Variants in CIT observed in about 807,000 individuals in gnomAD.
CIT encodes citron rho-interacting serine/threonine kinase, also known as citron Rho-interacting kinase.
A neutral mutation model predicts 272.7 loss-of-function variants in CIT; 79 were observed. The observed-to-expected ratio is 0.29, with a 90% CI of 0.24 to 0.35. CIT has a LOEUF of 0.35. Ranked by LOEUF, CIT falls within the 10% of genes least tolerant of loss-of-function variation. CIT has a pLI of 1.00. For missense variants in CIT, 1,909 were observed against 2,618.3 expected, an observed-to-expected ratio of 0.73 and a Z score of 5.91; for synonymous variants, 948 against 995.6, an observed-to-expected ratio of 0.95 and a Z score of 0.90.
rs534687070 is a variant in CIT, at chr12:119,778,998, T to A, written c.1666-2156A>T. Among the ~76,000 whole-genome samples the A allele has an allele frequency of 2.6e-5, 4 of 152,236 alleles. No homozygotes were observed. The South Asian group carries it at 8.3e-4, about 32-fold the overall frequency. ...CACTTTGGGAGCCCGAGGTGGCGGATCACTTGAGGTTAGGAGTTCAAGACC... is the reference window on the plus strand; with the variant it reads ...CACTTTGGGAGCCCGAGGTGGCGGAACACTTGAGGTTAGGAGTTCAAGACC... On this transcript the variant is annotated intron_variant, in intron 13 of 47. Coordinates refer to ENST00000392521, the MANE Select transcript of CIT (RefSeq NM_001206999.2).
At position 119,775,754 on chromosome 12, in the gene CIT, G is replaced by C. The variant is rs150123196; in HGVS notation, c.1941+32C>G. 4,539 of 1,567,804 alleles carry C rather than the reference G, an allele frequency of 2.9e-3. 10 individuals are homozygous for C. Among genetic ancestry groups the C allele is most frequent in the Middle Eastern group, 4.5e-3 (27 of 5,962 alleles). Reference sequence around the variant, plus strand: ...GATGTTTGGAAAGGAGGTGGTGGGGGGTAAGTTCCTGAAAAATCACCTTGG... The same window carrying C: ...GATGTTTGGAAAGGAGGTGGTGGGGCGTAAGTTCCTGAAAAATCACCTTGG... On this transcript the variant is annotated intron_variant, in intron 16 of 47. Coordinates refer to ENST00000392521, the MANE Select transcript of CIT (RefSeq NM_001206999.2).
chr12:119,690,357 C>G lies in CIT; in HGVS notation c.5980G>C (p.Glu1994Gln). 1.3e-6 allele frequency: 2 copies of G among 1,598,176 alleles called. No individual in the cohort carries two copies. Among genetic ancestry groups the G allele is most frequent in the Non-Finnish European group, 1.7e-6 (2 of 1,178,418 alleles). The change falls in exon 47 of 48, where the codon GAG becomes CAG. Residue 1994 changes from glutamate (E) to glutamine (Q), a missense_variant. By Grantham distance (29) the Glu-to-Gln change is conservative. Transcript: ENST00000392521. The surrounding 1 kb of genome is among the most constrained non-coding windows in gnomAD (Gnocchi z 6.0). ...APPEGPSHPR[E>Q]PSTPHRYREG... ...CGGTAGCGGTGGGGTGTGCTTGGCT[C>G]TCGCGGGTGGCTGGGGCCTTCGGGC...
At chr12:119,837,015 C>G (rs1326725690) in intron 5 of CIT, among the ~76,000 whole-genome samples, 1 of 152,192 alleles carries the variant, frequency 6.6e-6, no homozygotes, top group African/African-American at 2.4e-5. Context: ...ATTGAGAAAA[C>G]AAGCAACAAA....
In CIT at chr12:119,690,415, G is replaced by A; in HGVS notation, c.5922C>T (p.His1974=). 1 of 1,596,112 alleles carries A rather than the reference G, an allele frequency of 6.3e-7. No homozygotes were observed. The highest frequency in any genetic ancestry group is 8.5e-7 in the Non-Finnish European group (1 of 1,177,254). ...NKRGPPTYNE[H]ITKRVASSPA... is the part of the protein sequence containing the mutation. ...GGCTGGAGGCCACGCGCTTGGTGATGTGCTCGTTGTACGTGGGTGGGCCTC... is the reference window on the plus strand; with the variant it reads ...GGCTGGAGGCCACGCGCTTGGTGATATGCTCGTTGTACGTGGGTGGGCCTC... Residue 1974 remains histidine, a synonymous_variant, in exon 47 of 48, where the codon CAC becomes CAT. Transcript: ENST00000392521. The surrounding 1 kb of genome is among the most constrained non-coding windows in gnomAD (Gnocchi z 6.0).
intron 5 of CIT, among the ~76,000 whole-genome samples, chr12:119,836,072 A>C (rs1302896595): frequency 6.6e-6 from 1 of 151,966 alleles, no homozygotes; most frequent in Non-Finnish European, 1.5e-5. Context: ...GCGGATCACA[A>C]GGTCAAGAGA....
Position 119,728,734 on chromosome 12 carries a change from C to G in CIT, c.3487-128G>C. On this transcript the variant is annotated intron_variant, in intron 27 of 47. Coordinates refer to ENST00000392521, the MANE Select transcript of CIT (RefSeq NM_001206999.2). The surrounding 1 kb of genome is among the most constrained non-coding windows in gnomAD (Gnocchi z 4.3). Reference sequence around the variant, plus strand: ...TCTAAAGGTCAGAACGTAAAGGTTGCTTTTTTCTAAATACAGAAGTCCCTG... The same window carrying G: ...TCTAAAGGTCAGAACGTAAAGGTTGGTTTTTTCTAAATACAGAAGTCCCTG... 1.5e-6 allele frequency: 1 copy of G among 651,112 alleles called. No homozygotes were observed. The highest frequency in any genetic ancestry group is 2.6e-6 in the Non-Finnish European group (1 of 381,050). The allele number at this position is 651,112 out of a possible 1,614,324, so 40.3% of individuals were successfully genotyped here.
chr12:119,781,121 T>G (rs528855120), intron 13 of CIT, among the ~76,000 whole-genome samples: 1 of 152,172 alleles, frequency 6.6e-6, no homozygotes, highest in African/African-American at 2.4e-5. Flanking sequence ...ACTTTTAGGA[T>G]GAAAAACTAT....
At position 119,718,729 on chromosome 12, in the gene CIT, G is replaced by A. The variant is rs1412902568; in HGVS notation, c.3973C>T (p.Arg1325Cys). The A allele has an allele frequency of 7.4e-6, 12 of 1,613,792 alleles. No homozygotes were observed. Among genetic ancestry groups the A allele is most frequent in the Middle Eastern group, 1.7e-4 (1 of 5,866 alleles). ...AELEEALQKT[R>C]IELRSAREEA... ...TCCCGGGCGGACCGGAGCTCGATGC[G>A]GGTCTTCTGAAGGGCTTCCTCTAGC... The change falls in exon 31 of 48, where the codon CGC (arginine) becomes TGC (cysteine). Residue 1325 changes from arginine to cysteine, a missense_variant. By Grantham distance (180) the Arg-to-Cys change is radical. This residue lies in a region of CIT where 780 missense variants were observed against 1,067.2 expected (regional missense o/e 0.73). Coordinates refer to ENST00000392521, the MANE Select transcript of CIT (RefSeq NM_001206999.2). This position sits in a 1 kb window ranked among gnomAD's most constrained non-coding sequence, Gnocchi z 4.8.
intron 27 of CIT, among the ~76,000 whole-genome samples, chr12:119,729,971 C>T (rs1180525964): frequency 2.0e-5 from 3 of 152,118 alleles, no homozygotes; most frequent in Non-Finnish European, 4.4e-5. Flanking sequence ...TTGTTTATGA[C>T]TATAAATGTA....
intron 28 of CIT, among the ~76,000 whole-genome samples, chr12:119,723,180 C>A (rs1182483473): frequency 6.6e-6 from 1 of 151,918 alleles, no homozygotes; most frequent in Non-Finnish European, 1.5e-5. Flanking sequence ...GCTAAGATAC[C>A]CTCCTCCGCA....
At chr12:119,727,238 T>C (rs1352149971) in intron 28 of CIT, among the ~76,000 whole-genome samples, 1 of 152,242 alleles carries the variant, frequency 6.6e-6, no homozygotes, top group East Asian at 1.9e-4. Flanking sequence ...TCTTTTAATG[T>C]GTTAAATACC....
At chr12:119,695,554 G>T (rs572567812) in intron 46 of CIT, among the ~76,000 whole-genome samples, 1 of 152,310 alleles carries the variant, frequency 6.6e-6, no homozygotes, top group African/African-American at 2.4e-5. Context: ...CTAGCACTTT[G>T]GGAGGCCAAG....
intron 43 of CIT, among the ~76,000 whole-genome samples, chr12:119,701,212 AGGG>A (rs61572795): frequency 2.7e-5 from 1 of 37,044 alleles, no homozygotes; most frequent in African/African-American, 9.7e-5. Context: ...GGGGATGGGG[AGGG>A]GGAGGGGAGG....
At chr12:119,778,118 G>C (rs1382344526) in intron 13 of CIT, among the ~76,000 whole-genome samples, 1 of 152,148 alleles carries the variant, frequency 6.6e-6, no homozygotes, top group African/African-American at 2.4e-5. Flanking sequence ...CAAAACACTG[G>C]CTTCGGTCAA....
chr12:119,769,915 G>A (rs1962901427), intron 18 of CIT, among the ~76,000 whole-genome samples: 1 of 152,220 alleles, frequency 6.6e-6, no homozygotes, highest in Non-Finnish European at 1.5e-5. Context: ...TCCCAGAAGT[G>A]ATGTGAAGAG....
At chr12:119,714,357 A>T in intron 32 of CIT, 23 bp from the exon 33 acceptor site, 1 of 1,613,678 alleles carries the variant, frequency 6.2e-7, no homozygotes, top group Non-Finnish European at 8.5e-7. Flanking sequence ...GTTTTAAAAA[A>T]TCATTAGAGT....
intron 12 of CIT, 62 bp from the exon 13 acceptor site, chr12:119,782,699 C>T: frequency 2.5e-6 from 4 of 1,593,608 alleles, no homozygotes; most frequent in Admixed American, 3.4e-5. Flanking sequence ...TGAAAAGACT[C>T]ATTAAGAGAG....
intron 24 of CIT, among the ~76,000 whole-genome samples, chr12:119,740,779 C>G (rs914294551): frequency 6.6e-6 from 1 of 152,036 alleles, no homozygotes; most frequent in Non-Finnish European, 1.5e-5. Flanking sequence ...ACGAAGACAA[C>G]AAGAAACTAA....
chr12:119,731,551 T>A (rs549533316), intron 26 of CIT, among the ~76,000 whole-genome samples: 11 of 149,418 alleles, frequency 7.4e-5, no homozygotes, highest in Non-Finnish European at 1.6e-4. Flanking sequence ...TGCTAAAGAA[T>A]AGAAAAACCA....
Sources: allele counts gnomAD v4.1 joint callset (sites outside exome capture counted in the v4.1 genomes callset), GRCh38; gene constraint gnomAD v4.1.1; regional missense constraint gnomAD v4.1.1; non-coding constraint Gnocchi (gnomAD v3.1); transcripts MANE v1.5; gene names NCBI Gene and HGNC (gene_info 2026-07-23, HGNC 2026-07-21).